The following SLC41A3 variants were observed in gnomAD, a reference collection of about 807,000 sequenced individuals.
SLC41A3 encodes the protein solute carrier family 41 member 3.
A neutral mutation model predicts 45.4 loss-of-function variants in SLC41A3; 44 were observed. That is an observed-to-expected ratio of 0.97 (90% confidence interval 0.76 to 1.25). The LOEUF is 1.25. Ranked by LOEUF, SLC41A3 falls within the 50% of genes most tolerant of loss-of-function variation. SLC41A3 has a pLI of 0.00. For missense variants in SLC41A3, 550 were observed against 600.6 expected (o/e 0.92, Z 0.88); for synonymous variants, 256 against 252.4 (o/e 1.01, Z -0.13).
chr3:126,046,958 T>G (rs2107854159), intron 3 of SLC41A3, among the ~76,000 whole-genome samples: 1 of 110,214 alleles, frequency 9.1e-6, no homozygotes, highest in Admixed American at 9.3e-5. Flanking sequence ...CGAAACTCCA[T>G]CTCAAAAAAA....
intron 5 of SLC41A3, chr3:126,025,688 G>C (rs971541958): frequency 3.9e-5 from 6 of 152,370 alleles, no homozygotes; most frequent in African/African-American, 1.4e-4. Flanking sequence ...CACTGTGTGA[G>C]GACAGCGAGA....
intron 1 of SLC41A3, among the ~76,000 whole-genome samples, chr3:126,094,207 A>G (rs1161615235): frequency 1.3e-5 from 2 of 152,222 alleles, no homozygotes; most frequent in Non-Finnish European, 1.5e-5. Flanking sequence ...TGGGACTAGA[A>G]AAAAGTTTGC....
At chr3:126,077,454 G>A (rs945637067) in intron 1 of SLC41A3, among the ~76,000 whole-genome samples, 1 of 152,038 alleles carries the variant, frequency 6.6e-6, no homozygotes, top group African/African-American at 2.4e-5. Context: ...AATAATCAGT[G>A]CAAGTCTAGT....
rs776849878 is a variant in SLC41A3 at position 126,022,738 on chromosome 3, C to T, written c.745+48G>A. The T allele has an allele frequency of 5.0e-6, 8 of 1,603,820 alleles. No individual in the cohort carries two copies. In the East Asian group the frequency reaches 8.9e-5, roughly 18 times the overall value. On this transcript the variant is annotated intron_variant, in intron 6 of 10. Coordinates refer to ENST00000360370, the MANE Select transcript of SLC41A3 (RefSeq NM_017836.4). The stretch of plus-strand genomic sequence containing the variant: ...GCCTCAGTGGTGACCTGCTCCAGGG[C>T]CCCCCCTCCACGGAGCCTTTGTGTC...
chr3:126,052,731 A>C (rs539399271), intron 2 of SLC41A3, among the ~76,000 whole-genome samples: 29 of 152,012 alleles, frequency 1.9e-4, no homozygotes, highest in African/African-American at 6.0e-4. Context: ...CTCCACCCCC[A>C]GTCCTTTGCC....
intron 1 of SLC41A3, among the ~76,000 whole-genome samples, chr3:126,072,886 A>T (rs977869648): frequency 2.6e-5 from 4 of 152,216 alleles, no homozygotes; most frequent in African/African-American, 4.8e-5. Context: ...TGTCAACAGA[A>T]GACTGAATAA....
Position 126,079,236 on chromosome 3 carries a change from A to C in SLC41A3, c.-28+4857T>G, listed in dbSNP as rs537983257. Among the ~76,000 whole-genome samples the C allele has an allele frequency of 2.7e-4, 39 of 143,610 alleles. 1 individual carries two copies. In the Middle Eastern group the frequency reaches 0.022, roughly 79 times the overall value. 94.2% of individuals were successfully genotyped at this position (143,610 alleles called of 152,430 possible). Reference sequence around the variant, plus strand: ...AACACACACACACACACACACACACACACCCACACACGATCAGGGATTTAA... The same window carrying C: ...AACACACACACACACACACACACACCCACCCACACACGATCAGGGATTTAA... On this transcript the variant is annotated intron_variant, in intron 1 of 10. Coordinates refer to ENST00000360370, the MANE Select transcript of SLC41A3 (RefSeq NM_017836.4).
intron 3 of SLC41A3, among the ~76,000 whole-genome samples, chr3:126,036,987 G>A (rs910408900): frequency 1.3e-5 from 2 of 152,134 alleles, no homozygotes; most frequent in Admixed American, 6.5e-5. Flanking sequence ...AGACAGTCAC[G>A]CATATGGTTT....
intron 1 of SLC41A3, among the ~76,000 whole-genome samples, chr3:126,092,055 G>C (rs895418561): frequency 6.6e-6 from 1 of 152,198 alleles, no homozygotes; most frequent in African/African-American, 2.4e-5. Flanking sequence ...AAAGAGATCT[G>C]AGTTACCCTG....
At position 126,006,775 on chromosome 3, in the gene SLC41A3, A is replaced by G; in HGVS notation, c.*241T>C. 3 of 1,442,644 alleles carry G rather than the reference A, an allele frequency of 2.1e-6. No individual in the cohort carries two copies. Among genetic ancestry groups the G allele is most frequent in the Non-Finnish European group, 2.7e-6 (3 of 1,104,306 alleles). 89.4% of individuals were successfully genotyped at this position (1,442,644 alleles called of 1,614,324 possible). On this transcript the variant is annotated 3_prime_UTR_variant, in exon 11 of 11. Transcript: ENST00000360370. Reference sequence around the variant, plus strand: ...CGTGTGCACACTTGCACGCTCATTAAGCATGTGCACACATCATATTCACAC... The same window carrying G: ...CGTGTGCACACTTGCACGCTCATTAGGCATGTGCACACATCATATTCACAC...
chr3:126,065,178 T>C (rs373342593), intron 2 of SLC41A3, among the ~76,000 whole-genome samples: 3 of 152,184 alleles, frequency 2.0e-5, no homozygotes, highest in South Asian at 4.1e-4. Context: ...CAGAGCCTCA[T>C]GAAGAGAATG....
intron 3 of SLC41A3, among the ~76,000 whole-genome samples, chr3:126,034,553 A>G (rs1224090467): frequency 6.6e-6 from 1 of 152,240 alleles, no homozygotes; most frequent in Non-Finnish European, 1.5e-5. Flanking sequence ...GACTGTGGTT[A>G]GGCCTCAGTC....
chr3:126,091,572 GT>G (rs911035701), intron 1 of SLC41A3, among the ~76,000 whole-genome samples: 3 of 152,164 alleles, frequency 2.0e-5, no homozygotes, highest in Non-Finnish European at 4.4e-5. Flanking sequence ...GGAGGCCAAG[GT>G]TTTTTTATGC....
intron 4 of SLC41A3, among the ~76,000 whole-genome samples, chr3:126,027,933 A>G (rs926674952): frequency 6.6e-6 from 1 of 152,204 alleles, no homozygotes; most frequent in Non-Finnish European, 1.5e-5. Flanking sequence ...GGTGAAAGAA[A>G]TTTTTAAGCA....
At chr3:126,101,021 T>TC (rs1245737639) in intron 1 of SLC41A3, among the ~76,000 whole-genome samples, 6 of 152,276 alleles carry the variant, frequency 3.9e-5, no homozygotes, top group African/African-American at 1.4e-4. Flanking sequence ...TGGCAGTGAG[T>TC]CGCCCCGGGG....
intron 2 of SLC41A3, among the ~76,000 whole-genome samples, chr3:126,058,571 C>A (rs1409938596): frequency 6.6e-6 from 1 of 152,206 alleles, no homozygotes; most frequent in Non-Finnish European, 1.5e-5. Context: ...AGCTGTCCCC[C>A]ACTCCTGCCC....
chr3:126,033,793 G>A (rs1178790447), intron 3 of SLC41A3, 115 bp from the exon 4 acceptor site: 23 of 1,141,104 alleles, frequency 2.0e-5, no homozygotes, highest in Non-Finnish European at 2.5e-5. Flanking sequence ...TTTCATCAGC[G>A]TCAGAAAAAA....
intron 1 of SLC41A3, among the ~76,000 whole-genome samples, chr3:126,077,915 C>T (rs1285874433): frequency 6.6e-6 from 1 of 152,190 alleles, no homozygotes; most frequent in Non-Finnish European, 1.5e-5. Context: ...GGAGGCATCT[C>T]GAGTTGGCGG....
chr3:126,052,951 G>A (rs1342836107), intron 2 of SLC41A3, among the ~76,000 whole-genome samples: 3 of 152,210 alleles, frequency 2.0e-5, no homozygotes, highest in African/African-American at 4.8e-5. Context: ...GGAAGCCTGG[G>A]CGGAAGACGG....
Sources: allele counts gnomAD v4.1 joint callset (sites outside exome capture counted in the v4.1 genomes callset), GRCh38; gene constraint gnomAD v4.1.1; transcripts MANE v1.5; gene names NCBI Gene and HGNC (gene_info 2026-07-23, HGNC 2026-07-21).